Variants in NRIP1 observed in about 807,000 individuals in gnomAD.
NRIP1 encodes nuclear receptor interacting protein 1, also known as nuclear receptor-interacting protein 1.
Under a neutral mutation model 75.0 loss-of-function variants are expected in NRIP1, and 28 were observed. That is an observed-to-expected ratio of 0.37 (90% CI 0.28 to 0.51). NRIP1 has a LOEUF of 0.51. NRIP1 is among the 20% of genes least tolerant of loss of function. NRIP1 has a pLI of 0.92. For synonymous variants in NRIP1, 526 were observed against 487.6 expected (o/e 1.08, Z -1.04); for missense variants, 1,435 against 1,343.7 (o/e 1.07, Z -1.06).
intron 2 of NRIP1, among the ~76,000 whole-genome samples, 193 bp from the exon 3 acceptor site, chr21:15,014,659 G>A (rs2088183203): frequency 6.6e-6 from 1 of 152,084 alleles, no homozygotes; most frequent in Non-Finnish European, 1.5e-5. Flanking sequence ...TGCTTTCTAG[G>A]TAATAATCGA....
intron 1 of NRIP1, among the ~76,000 whole-genome samples, chr21:15,059,486 T>C (rs1442549016): frequency 1.3e-5 from 2 of 152,078 alleles, no homozygotes; most frequent in Non-Finnish European, 2.9e-5. Flanking sequence ...ATTATTATTT[T>C]TTTTTGCTAC....
intron 3 of NRIP1, among the ~76,000 whole-genome samples, chr21:14,987,386 T>C: frequency 6.6e-6 from 1 of 152,268 alleles, no homozygotes; most frequent in African/African-American, 2.4e-5. Context: ...TTAGTCTGAC[T>C]ATTGGTCTTT....
chr21:14,996,066 C>T (rs1268957507), intron 3 of NRIP1, among the ~76,000 whole-genome samples: 1 of 152,036 alleles, frequency 6.6e-6, no homozygotes, highest in Non-Finnish European at 1.5e-5. Flanking sequence ...GCCACCAATA[C>T]AACTTTAAAT....
chr21:15,043,802 C>T (rs1475541701), intron 1 of NRIP1, among the ~76,000 whole-genome samples: 1 of 151,976 alleles, frequency 6.6e-6, no homozygotes, highest in Admixed American at 6.5e-5. Flanking sequence ...TGCCAAAATA[C>T]ACTACCCAAT....
At chr21:14,987,389 T>C (rs930021207) in intron 3 of NRIP1, among the ~76,000 whole-genome samples, 2 of 152,108 alleles carry the variant, frequency 1.3e-5, no homozygotes, top group Non-Finnish European at 2.9e-5. Flanking sequence ...GTCTGACTAT[T>C]GGTCTTTTTG....
intron 3 of NRIP1, among the ~76,000 whole-genome samples, chr21:15,010,443 T>A (rs1190492556): frequency 6.6e-6 from 1 of 150,772 alleles, no homozygotes; most frequent in African/African-American, 2.4e-5. Context: ...CTTTATAAAA[T>A]CTGAGTTGAT....
chr21:15,001,685 T>C (rs927616583), intron 3 of NRIP1, among the ~76,000 whole-genome samples: 1 of 151,914 alleles, frequency 6.6e-6, no homozygotes, highest in African/African-American at 2.4e-5. Flanking sequence ...TTTCTTAATA[T>C]AGTTCAAGGT....
At chr21:15,055,386 A>T (rs2089284845) in intron 1 of NRIP1, among the ~76,000 whole-genome samples, 1 of 152,246 alleles carries the variant, frequency 6.6e-6, no homozygotes, top group Non-Finnish European at 1.5e-5. Context: ...GTAACATGTA[A>T]AACAATGCCA....
At chr21:15,014,600 T>TG (rs1213608227) in intron 2 of NRIP1, 134 bp from the exon 3 acceptor site, 5 of 395,672 alleles carry the variant, frequency 1.3e-5, no homozygotes, top group African/African-American at 2.1e-5. Context: ...GACAGAAAAA[T>TG]ATCAATTGTT....
chr21:15,013,178 G>A (rs1450022454), intron 3 of NRIP1, among the ~76,000 whole-genome samples: 1 of 152,116 alleles, frequency 6.6e-6, no homozygotes, highest in Non-Finnish European at 1.5e-5. Flanking sequence ...AAATATAAAT[G>A]AATATACGAA....
chr21:15,054,187 C>A (rs1403417938), intron 1 of NRIP1, among the ~76,000 whole-genome samples: 1 of 152,056 alleles, frequency 6.6e-6, no homozygotes, highest in Non-Finnish European at 1.5e-5. Flanking sequence ...GTTCTTGATA[C>A]CCTCTTAACT....
At chr21:14,973,960 C>T (rs963942390) in intron 3 of NRIP1, among the ~76,000 whole-genome samples, 121 of 150,960 alleles carry the variant, frequency 8.0e-4, no homozygotes, top group African/African-American at 2.8e-3. Flanking sequence ...GCTGGGATTA[C>T]AGGCGTGAAC....
intron 2 of NRIP1, among the ~76,000 whole-genome samples, chr21:15,033,016 G>A (rs1390004237): frequency 6.6e-6 from 1 of 152,084 alleles, no homozygotes; most frequent in Non-Finnish European, 1.5e-5. Context: ...ACGAGGTCAG[G>A]AGATCGAGAC....
At chr21:15,049,578 A>G (rs1277304612) in intron 1 of NRIP1, among the ~76,000 whole-genome samples, 4 of 152,228 alleles carry the variant, frequency 2.6e-5, no homozygotes, top group Non-Finnish European at 4.4e-5. Context: ...TACTTTTTAA[A>G]TGTTTATAAT....
chr21:14,992,850 T>C (rs1441472935), intron 3 of NRIP1: 1 of 152,284 alleles, frequency 6.6e-6, no homozygotes, highest in Non-Finnish European at 1.5e-5. Context: ...CCTGCATAAC[T>C]AGCAAAGTGG....
intron 2 of NRIP1, among the ~76,000 whole-genome samples, chr21:15,022,087 C>A (rs181136131): frequency 2.2e-4 from 34 of 152,300 alleles, no homozygotes; most frequent in Admixed American, 8.5e-4. Flanking sequence ...AAGACACATG[C>A]ACATGTATGT....
At chr21:14,976,787 G>T (rs545208026) in intron 3 of NRIP1, among the ~76,000 whole-genome samples, 20 of 152,074 alleles carry the variant, frequency 1.3e-4, no homozygotes, top group Admixed American at 5.2e-4. Flanking sequence ...AATGACAACG[G>T]TCTTTCTCCA....
intron 3 of NRIP1, among the ~76,000 whole-genome samples, chr21:14,977,550 A>G (rs1742968250): frequency 6.8e-6 from 1 of 147,984 alleles, no homozygotes; most frequent in Non-Finnish European, 1.5e-5. Context: ...ATTTAAGAAG[A>G]CAACAGTGAA....
rs536617844 is a variant in NRIP1 at position 15,020,047 on chromosome 21, G to A, written c.-457-5581C>T. Among the ~76,000 whole-genome samples, 43 of 152,016 alleles carry A rather than the reference G, an allele frequency of 2.8e-4. No individual in the cohort carries two copies. The South Asian group carries it at 5.6e-3, about 20-fold the overall frequency. On this transcript the variant is annotated intron_variant, in intron 2 of 3. Coordinates refer to ENST00000318948, the MANE Select transcript of NRIP1 (RefSeq NM_003489.4). ...TTGAAAGATCCAATATTACTAAGAC[G>A]TCAATTCTCCCTACACTGATCTACC... is the stretch of plus-strand genomic sequence containing the variant.
Sources: gnomAD v4.1 joint callset for allele counts (sites outside exome capture counted in the v4.1 genomes callset) on GRCh38, gnomAD v4.1.1 for gene constraint, MANE v1.5 for transcripts, NCBI Gene and HGNC (gene_info 2026-07-23, HGNC 2026-07-21) for gene names.